Variants in PLD5 observed in about 807,000 individuals in gnomAD.
PLD5 encodes phospholipase D family member 5.
A neutral mutation model predicts 61.1 loss-of-function variants in PLD5; 36 were observed. The observed-to-expected ratio is 0.59, with a 90% CI of 0.45 to 0.78. The LOEUF (loss-of-function observed/expected upper bound fraction) is 0.78, where lower values mean the gene tolerates loss of function less well. PLD5 is among the 30% of genes least tolerant of loss of function. The pLI, the probability that PLD5 is intolerant of heterozygous loss-of-function variation, is 0.00. For missense variants in PLD5, 515 were observed against 644.4 expected, an observed-to-expected ratio of 0.80 and a Z score of 2.17; for synonymous variants, 243 against 242.8, an observed-to-expected ratio of 1.00 and a Z score of -0.01.
At chr1:242,472,557 T>A (rs1384575394) in intron 1 of PLD5, among the ~76,000 whole-genome samples, 1 of 152,218 alleles carries the variant, frequency 6.6e-6, no homozygotes, top group Non-Finnish European at 1.5e-5. Context: ...GCAGTACTGC[T>A]TTCAGCTGTG....
At chr1:242,431,336 T>G (rs926898636) in intron 1 of PLD5, among the ~76,000 whole-genome samples, 4 of 152,238 alleles carry the variant, frequency 2.6e-5, no homozygotes, top group Non-Finnish European at 5.9e-5. Flanking sequence ...AGGTGCTTGG[T>G]CAACATGATC....
chr1:242,505,885 GC>G (rs1337044149), intron 1 of PLD5, among the ~76,000 whole-genome samples: 4 of 152,196 alleles, frequency 2.6e-5, no homozygotes, highest in African/African-American at 9.6e-5. Flanking sequence ...TGTAATAAAA[GC>G]AGTGCAAGCA....
In PLD5 at chr1:242,388,781, C is replaced by T. The variant is rs572879604; in HGVS notation, c.190-40539G>A. On this transcript the variant is annotated intron_variant, in intron 1 of 9. Coordinates refer to ENST00000536534, the MANE Select transcript of PLD5 (RefSeq NM_001372062.1). ...ACCAGCCTGGCCAGGATGGTGAAAC[C>T]CCGTTTCTACTAAAAAATACAAAAA... 1.2e-3 allele frequency among the ~76,000 whole-genome samples: 182 copies of T among 151,984 alleles called. 9 individuals are homozygous for T. The South Asian group carries it at 0.03, about 25-fold the overall frequency.
chr1:242,249,650 C>T (rs1027128687), intron 4 of PLD5, among the ~76,000 whole-genome samples: 2 of 152,182 alleles, frequency 1.3e-5, no homozygotes, highest in African/African-American at 4.8e-5. Context: ...TAGAACACCT[C>T]AGCAAACTGC....
intron 4 of PLD5, among the ~76,000 whole-genome samples, chr1:242,248,478 C>G (rs940288739): frequency 5.9e-5 from 1 of 16,932 alleles, no homozygotes; most frequent in Non-Finnish European, 5.2e-4. Context: ...TAAAATACCA[C>G]ACCAAAAAAA....
intron 1 of PLD5, among the ~76,000 whole-genome samples, chr1:242,364,861 C>T (rs1000669417): frequency 9.3e-5 from 14 of 150,936 alleles, no homozygotes; most frequent in Admixed American, 6.6e-5. Flanking sequence ...GAGCAGAATT[C>T]AATAAAAGAG....
intron 1 of PLD5, among the ~76,000 whole-genome samples, chr1:242,402,480 G>C (rs1309487506): frequency 1.3e-5 from 2 of 152,088 alleles, no homozygotes; most frequent in Non-Finnish European, 2.9e-5. Context: ...TTTAAAATAA[G>C]GGTAATTAAA....
intron 1 of PLD5, among the ~76,000 whole-genome samples, chr1:242,359,615 G>A (rs530389651): frequency 3.3e-5 from 5 of 152,172 alleles, no homozygotes; most frequent in African/African-American, 4.8e-5. Context: ...AACTGTTTGT[G>A]GGCTCAGGCT....
chr1:242,152,926 C>T (rs960499149), intron 5 of PLD5, among the ~76,000 whole-genome samples: 9 of 152,166 alleles, frequency 5.9e-5, no homozygotes, highest in East Asian at 5.8e-4. Context: ...CTTGAGGAAT[C>T]GCCACACTGT....
At chr1:242,376,235 C>T (rs1661946517) in intron 1 of PLD5, among the ~76,000 whole-genome samples, 1 of 152,092 alleles carries the variant, frequency 6.6e-6, no homozygotes, top group African/African-American at 2.4e-5. Flanking sequence ...CTGAGGAAAT[C>T]AGCCTTCCTT....
chr1:242,249,037 A>G (rs1292623248), intron 4 of PLD5, among the ~76,000 whole-genome samples: 1 of 152,214 alleles, frequency 6.6e-6, no homozygotes, highest in East Asian at 1.9e-4. Context: ...AATCCCAGCT[A>G]CTCGGGAGGC....
At position 242,120,264 on chromosome 1, in the gene PLD5, C is replaced by T. The variant is rs181660489; in HGVS notation, c.933+4204G>A. Among the ~76,000 whole-genome samples the T allele has an allele frequency of 1.2e-4, 18 of 152,136 alleles. No homozygotes were observed. In the East Asian group the frequency reaches 2.1e-3, roughly 18 times the overall value. On this transcript the variant is annotated intron_variant, in intron 6 of 9. Coordinates refer to ENST00000536534, the MANE Select transcript of PLD5 (RefSeq NM_001372062.1). Reference sequence around the variant, plus strand: ...GATTGTAGAAATGGTTGCAAAACTGCGACTATACTCAACCCCACTAAATTG... The same window carrying T: ...GATTGTAGAAATGGTTGCAAAACTGTGACTATACTCAACCCCACTAAATTG...
At chr1:242,519,173 C>T (rs1344101146) in intron 1 of PLD5, among the ~76,000 whole-genome samples, 8 of 152,186 alleles carry the variant, frequency 5.3e-5, no homozygotes, top group South Asian at 2.1e-4. Context: ...TGGCGCTTAA[C>T]GGATCCACCC....
Position 242,255,208 on chromosome 1 carries a change from C to T in PLD5, c.607+10129G>A, listed in dbSNP as rs570324491. 4.1e-3 allele frequency among the ~76,000 whole-genome samples: 630 copies of T among 151,958 alleles called. 2 individuals are homozygous for T. The highest frequency in any genetic ancestry group is 7.3e-3 in the Non-Finnish European group (494 of 67,924). ...CACTTGAAATGTTCAGCCTCCTTAA[C>T]GATGGCAACCTTTCAGACAGTGGAA... is the stretch of plus-strand genomic sequence containing the variant. On this transcript the variant is annotated intron_variant, in intron 4 of 9. Transcript: ENST00000536534.
At chr1:242,113,088 T>C (rs894306571) in intron 7 of PLD5, among the ~76,000 whole-genome samples, 5 of 29,818 alleles carry the variant, frequency 1.7e-4, no homozygotes, top group African/African-American at 6.6e-4. Flanking sequence ...CTCTCTCTTT[T>C]TTTTTTTTTT....
intron 6 of PLD5, among the ~76,000 whole-genome samples, chr1:242,115,595 G>C (rs78614380): frequency 1.8e-4 from 27 of 151,648 alleles, no homozygotes; most frequent in Non-Finnish European, 3.4e-4. Flanking sequence ...ATTTACTCCA[G>C]CATTTTCATT....
At chr1:242,412,288 G>A (rs113553442) in intron 1 of PLD5, among the ~76,000 whole-genome samples, 2,540 of 152,294 alleles carry the variant, frequency 0.017, 29 homozygotes, top group Middle Eastern at 0.031. Context: ...AGCTTCCAGG[G>A]TTTGGGGTCC....
intron 1 of PLD5, among the ~76,000 whole-genome samples, chr1:242,477,882 A>T (rs1478437697): frequency 2.0e-5 from 3 of 152,190 alleles, no homozygotes; most frequent in Non-Finnish European, 4.4e-5. Context: ...CTGGACCCTG[A>T]GTGCAGAGTT....
chr1:242,319,291 TAA>T (rs1658231811), intron 2 of PLD5, among the ~76,000 whole-genome samples: 1 of 151,780 alleles, frequency 6.6e-6, no homozygotes, highest in Admixed American at 6.6e-5. Context: ...AACTGCATGA[TAA>T]AAAGAGTCTA....
Sources: gnomAD v4.1 joint callset for allele counts (sites outside exome capture counted in the v4.1 genomes callset) on GRCh38, gnomAD v4.1.1 for gene constraint, MANE v1.5 for transcripts, NCBI Gene and HGNC (gene_info 2026-07-23, HGNC 2026-07-21) for gene names.